The following ARHGAP32 variants were observed in gnomAD, a reference collection of about 807,000 sequenced individuals.
The protein encoded by ARHGAP32 is Rho GTPase activating protein 32.
In ARHGAP32, 51 loss-of-function variants were observed where a neutral mutation model predicts 186.5. The ratio of observed to expected loss-of-function variants is 0.27; its 90% CI spans 0.22 to 0.35. ARHGAP32 has a LOEUF of 0.35. ARHGAP32 is among the 10% of genes least tolerant of loss of function. The pLI is 1.00. For synonymous variants in ARHGAP32, 950 were observed against 964.3 expected (o/e 0.99, Z 0.27); for missense variants, 2,186 against 2,623.5 (o/e 0.83, Z 3.64).
In ARHGAP32 at chr11:129,173,737, C is replaced by A. The variant is rs138624212; in HGVS notation, c.117-9310G>T. 8.7e-3 allele frequency among the ~76,000 whole-genome samples: 1,330 copies of A among 152,212 alleles called. 20 individuals are homozygous for A. The highest frequency in any genetic ancestry group is 0.011 in the Non-Finnish European group (720 of 67,998). ...GAAATTTAATACCTATTCATAAATT[C>A]TTTAAAATATTTTAATGAAAATTAT... On this transcript the variant is annotated intron_variant, in intron 1 of 22. Coordinates refer to ENST00000682385, the MANE Select transcript of ARHGAP32 (RefSeq NM_001378024.1).
At chr11:129,223,006 ACTT>A (rs1482517618) in intron 1 of ARHGAP32, among the ~76,000 whole-genome samples, 1 of 152,194 alleles carries the variant, frequency 6.6e-6, no homozygotes, top group Admixed American at 6.5e-5. Context: ...CTTTAATAAA[ACTT>A]TTTTAAAAGG....
intron 1 of ARHGAP32, among the ~76,000 whole-genome samples, chr11:129,212,060 T>C (rs1194964126): frequency 6.6e-6 from 1 of 151,936 alleles, no homozygotes. Flanking sequence ...GGGACTGAGG[T>C]GGAAGGATTG....
At chr11:129,247,413 T>A (rs929546104) in intron 1 of ARHGAP32, among the ~76,000 whole-genome samples, 1 of 152,214 alleles carries the variant, frequency 6.6e-6, no homozygotes, top group Non-Finnish European at 1.5e-5. Context: ...TAACTACTTT[T>A]TTAAGGATTT....
At chr11:129,077,306 G>A (rs1451507143) in intron 6 of ARHGAP32, among the ~76,000 whole-genome samples, 4 of 152,166 alleles carry the variant, frequency 2.6e-5, no homozygotes, top group Non-Finnish European at 5.9e-5. Context: ...AGGTAAACAG[G>A]AAGCACAGAT....
chr11:128,995,435 C>T (rs1239237702), intron 12 of ARHGAP32, among the ~76,000 whole-genome samples: 1 of 152,174 alleles, frequency 6.6e-6, no homozygotes, highest in African/African-American at 2.4e-5. Flanking sequence ...GGTGTAAACT[C>T]CTGGCCTCCA....
rs377039891 is a variant in ARHGAP32, at chr11:129,182,605, T to C, written c.116+9478A>G. 6.6e-5 allele frequency among the ~76,000 whole-genome samples: 10 copies of C among 151,996 alleles called. No individual in the cohort carries two copies. The South Asian group carries it at 1.4e-3, about 22-fold the overall frequency. On this transcript the variant is annotated intron_variant, in intron 1 of 22. Transcript: ENST00000682385. The stretch of plus-strand genomic sequence containing the variant: ...ATCATAGTTCAAAATGCCTTCCTAT[T>C]ATAAAAAAAAATTGTGTTAATTCTC...
chr11:129,246,596 C>T (rs1591717063), intron 1 of ARHGAP32, among the ~76,000 whole-genome samples: 1 of 152,106 alleles, frequency 6.6e-6, no homozygotes, highest in East Asian at 1.9e-4. Flanking sequence ...AGTCAAAGAA[C>T]CAGGGCAATA....
chr11:129,106,764 G>A (rs539378301), intron 5 of ARHGAP32, among the ~76,000 whole-genome samples: 1 of 151,990 alleles, frequency 6.6e-6, no homozygotes, highest in Non-Finnish European at 1.5e-5. Flanking sequence ...TCACCTTAAA[G>A]ATAAGACAAG....
At chr11:129,066,225 T>C (rs1940683954) in intron 7 of ARHGAP32, among the ~76,000 whole-genome samples, 1 of 152,144 alleles carries the variant, frequency 6.6e-6, no homozygotes, top group Non-Finnish European at 1.5e-5. Context: ...CCCATAAACC[T>C]TATCCCATCT....
intron 6 of ARHGAP32, among the ~76,000 whole-genome samples, chr11:129,087,751 G>C (rs1941452943): frequency 6.6e-6 from 1 of 152,182 alleles, no homozygotes; most frequent in South Asian, 2.1e-4. Flanking sequence ...CGATAATGAT[G>C]TAACAATGTA....
chr11:129,254,976 C>T (rs1274289199), intron 1 of ARHGAP32, among the ~76,000 whole-genome samples: 1 of 152,078 alleles, frequency 6.6e-6, no homozygotes. Flanking sequence ...GGATTAATGC[C>T]AGTATTTCAG....
intron 13 of ARHGAP32, among the ~76,000 whole-genome samples, chr11:128,987,798 C>G (rs1743210807): frequency 6.6e-6 from 1 of 151,898 alleles, no homozygotes; most frequent in Non-Finnish European, 1.5e-5. Flanking sequence ...TATAAAGAGG[C>G]AAAATACAAG....
At chr11:129,230,643 A>T (rs940528741) in intron 1 of ARHGAP32, among the ~76,000 whole-genome samples, 3 of 152,178 alleles carry the variant, frequency 2.0e-5, no homozygotes, top group Non-Finnish European at 4.4e-5. Flanking sequence ...ATATATTTTT[A>T]AAATATTATT....
At chr11:129,173,077 T>C in intron 1 of ARHGAP32, among the ~76,000 whole-genome samples, 1 of 148,764 alleles carries the variant, frequency 6.7e-6, no homozygotes, top group Non-Finnish European at 1.5e-5. Flanking sequence ...CTAGCTAGAC[T>C]AACAAAGAAG....
At chr11:129,133,222 ATAGT>A (rs1942855843) in intron 2 of ARHGAP32, among the ~76,000 whole-genome samples, 1 of 152,236 alleles carries the variant, frequency 6.6e-6, no homozygotes, top group Non-Finnish European at 1.5e-5. Flanking sequence ...TGAAGAAAAG[ATAGT>A]TAATTTTTTT....
rs993109007 is a variant in ARHGAP32 at position 128,966,443 on chromosome 11, C to T, written c.*2464G>A. On this transcript the variant is annotated 3_prime_UTR_variant, in exon 23 of 23. Coordinates refer to ENST00000682385, the MANE Select transcript of ARHGAP32 (RefSeq NM_001378024.1). ...GAAAAGTGTTTCAAATAACTGAATC[C>T]AAAGTTAAGGCTGTTGCTAGCATGC... 1.3e-5 allele frequency: 2 copies of T among 152,094 alleles called. No individual in the cohort carries two copies. Among genetic ancestry groups the T allele is most frequent in the African/African-American group, 4.8e-5 (2 of 41,406 alleles). The allele number at this position is 152,094 out of a possible 1,614,324, so 9.4% of individuals were successfully genotyped here.
chr11:128,975,645 G>A (rs1399327332), intron 20 of ARHGAP32, among the ~76,000 whole-genome samples: 1 of 151,852 alleles, frequency 6.6e-6, no homozygotes. Context: ...ATAATTTTAC[G>A]ATGTTGCTAA....
chr11:129,206,363 C>A (rs999163520), intron 1 of ARHGAP32, among the ~76,000 whole-genome samples: 1 of 152,092 alleles, frequency 6.6e-6, no homozygotes, highest in African/African-American at 2.4e-5. Context: ...AGGAATGTGC[C>A]ACCATGCCTG....
intron 15 of ARHGAP32, among the ~76,000 whole-genome samples, chr11:128,982,490 T>C (rs146326633): frequency 0.011 from 1,627 of 151,402 alleles, 28 homozygotes; most frequent in African/African-American, 0.037. Context: ...TGTGTGTGTG[T>C]GTGTGTGTGT....
Sources: gnomAD v4.1 joint callset for allele counts (sites outside exome capture counted in the v4.1 genomes callset) on GRCh38, gnomAD v4.1.1 for gene constraint, MANE v1.5 for transcripts, NCBI Gene and HGNC (gene_info 2026-07-23, HGNC 2026-07-21) for gene names.